Variants in COMMD10 observed in about 807,000 individuals in gnomAD.
The protein encoded by COMMD10 is COMM domain containing 10.
COMMD10 carries 33 observed loss-of-function variants against 28.9 expected under a neutral mutation model. The ratio of observed to expected loss-of-function variants is 1.14; its 90% CI spans 0.87 to 1.53. The LOEUF (loss-of-function observed/expected upper bound fraction) is 1.53, where lower values mean the gene tolerates loss of function less well. Ranked by LOEUF, COMMD10 falls within the 40% of genes most tolerant of loss-of-function variation. COMMD10 has a pLI of 0.00. For missense variants in COMMD10, 310 were observed against 233.4 expected (o/e 1.33, Z -2.14); for synonymous variants, 110 against 81.7 (o/e 1.35, Z -1.87).
chr5:116,188,935 G>A (rs1351338390), intron 5 of COMMD10, among the ~76,000 whole-genome samples: 1 of 152,164 alleles, frequency 6.6e-6, no homozygotes, highest in Admixed American at 6.5e-5. Context: ...CAGCCCATAT[G>A]TTTGTTATTA....
At chr5:116,270,314 A>G (rs1750719183) in intron 5 of COMMD10, among the ~76,000 whole-genome samples, 1 of 151,896 alleles carries the variant, frequency 6.6e-6, no homozygotes, top group Non-Finnish European at 1.5e-5. Context: ...TTATTTTAAC[A>G]TTTTAAATAT....
rs140703440 is a variant in COMMD10, at chr5:116,201,234, C to T, written c.510+67056C>T. On this transcript the variant is annotated intron_variant, in intron 5 of 6. Transcript: ENST00000274458. ...TCTATGGGCAGACCTTGGTAAGAAG[C>T]ACAGAGTGATCCGGCATATTTTAAA... is the stretch of plus-strand genomic sequence containing the variant. Among the ~76,000 whole-genome samples the T allele has an allele frequency of 6.9e-3, 1,054 of 152,260 alleles. 16 individuals carry two copies. The highest frequency in any genetic ancestry group is 0.024 in the African/African-American group (1,011 of 41,560).
At chr5:116,281,999 G>A (rs576628215) in intron 5 of COMMD10, among the ~76,000 whole-genome samples, 3 of 151,746 alleles carry the variant, frequency 2.0e-5, no homozygotes, top group African/African-American at 4.9e-5. Context: ...CAATATATCA[G>A]TGACTCCCAA....
chr5:116,119,164 A>C (rs1019741274), intron 4 of COMMD10, among the ~76,000 whole-genome samples: 1 of 152,160 alleles, frequency 6.6e-6, no homozygotes, highest in African/African-American at 2.4e-5. Context: ...CTCCAACTTG[A>C]ATATGAAGGC....
intron 5 of COMMD10, among the ~76,000 whole-genome samples, chr5:116,236,493 A>G (rs1473518796): frequency 1.4e-5 from 2 of 143,176 alleles, no homozygotes; most frequent in Non-Finnish European, 3.0e-5. Context: ...GACAAGAGCA[A>G]GACTCCGTCT....
chr5:116,176,173 A>G (rs4921069), intron 5 of COMMD10, among the ~76,000 whole-genome samples: 47,453 of 152,034 alleles, frequency 0.31, 10,396 homozygotes, highest in African/African-American at 0.63. Flanking sequence ...GTGCAGTGGC[A>G]CGATCTTGGT....
At chr5:116,267,384 T>C (rs1443677675) in intron 5 of COMMD10, among the ~76,000 whole-genome samples, 5 of 151,744 alleles carry the variant, frequency 3.3e-5, no homozygotes, top group Admixed American at 1.3e-4. Context: ...AGGAATCCAA[T>C]TTACAAGGGA....
intron 5 of COMMD10, among the ~76,000 whole-genome samples, chr5:116,182,630 T>TG (rs1248993251): frequency 6.6e-6 from 1 of 152,086 alleles, no homozygotes; most frequent in Non-Finnish European, 1.5e-5. Flanking sequence ...GCAATCTATT[T>TG]GGGGAGGTTT....
intron 5 of COMMD10, among the ~76,000 whole-genome samples, chr5:116,263,668 C>T (rs1190491868): frequency 6.6e-6 from 1 of 151,678 alleles, no homozygotes; most frequent in Non-Finnish European, 1.5e-5. Flanking sequence ...TTGAACATTC[C>T]TTTCCATTGA....
intron 5 of COMMD10, among the ~76,000 whole-genome samples, chr5:116,161,286 A>C (rs1323157442): frequency 6.6e-6 from 1 of 152,162 alleles, no homozygotes; most frequent in East Asian, 1.9e-4. Context: ...CTTATCTCCT[A>C]GGGTGGTTGT....
intron 5 of COMMD10, among the ~76,000 whole-genome samples, chr5:116,175,501 C>A (rs1207483887): frequency 6.6e-6 from 1 of 152,044 alleles, no homozygotes; most frequent in Non-Finnish European, 1.5e-5. Flanking sequence ...ATAGAATTAC[C>A]ATATGACCTA....
chr5:116,147,856 G>T (rs765226100), intron 5 of COMMD10, among the ~76,000 whole-genome samples: 1 of 151,816 alleles, frequency 6.6e-6, no homozygotes, highest in African/African-American at 2.4e-5. Flanking sequence ...TTTGAGTGAC[G>T]TATTTAATTG....
At chr5:116,253,907 G>A (rs975820121) in intron 5 of COMMD10, among the ~76,000 whole-genome samples, 1 of 151,396 alleles carries the variant, frequency 6.6e-6, no homozygotes, top group African/African-American at 2.4e-5. Flanking sequence ...GTAGAATTCG[G>A]CTGTGAATCC....
chr5:116,179,367 G>T (rs1747866114), intron 5 of COMMD10, among the ~76,000 whole-genome samples: 1 of 152,152 alleles, frequency 6.6e-6, no homozygotes, highest in Non-Finnish European at 1.5e-5. Flanking sequence ...TCTGCCCAGA[G>T]TTACACTACT....
chr5:116,248,687 A>C (rs751788087), intron 5 of COMMD10, among the ~76,000 whole-genome samples: 8 of 151,934 alleles, frequency 5.3e-5, no homozygotes, highest in Non-Finnish European at 1.2e-4. Context: ...AAGTTGAGTT[A>C]CTGTGGCCTG....
chr5:116,282,778 A>G lies in COMMD10; in HGVS notation c.511-8739A>G, dbSNP rs1431060654. Reference sequence around the variant, plus strand: ...ATTAGGGATACCATTCATTTGGATTAGGGGCCACCCTCATTGACTACATTT... The same window carrying G: ...ATTAGGGATACCATTCATTTGGATTGGGGGCCACCCTCATTGACTACATTT... On this transcript the variant is annotated intron_variant, in intron 5 of 6. Transcript: ENST00000274458. 2.6e-5 allele frequency among the ~76,000 whole-genome samples: 4 copies of G among 151,876 alleles called. No homozygotes were observed. In the East Asian group the frequency reaches 5.8e-4, roughly 22 times the overall value.
At chr5:116,183,312 C>T (rs1017331623) in intron 5 of COMMD10, among the ~76,000 whole-genome samples, 1 of 151,992 alleles carries the variant, frequency 6.6e-6, no homozygotes, top group Non-Finnish European at 1.5e-5. Flanking sequence ...GACCTAAAAC[C>T]TAAAGAACTT....
chr5:116,265,319 G>T (rs140135788), intron 5 of COMMD10, among the ~76,000 whole-genome samples: 8 of 151,590 alleles, frequency 5.3e-5, no homozygotes, highest in African/African-American at 1.9e-4. Context: ...AATTGACCTT[G>T]ATTATTCATG....
At chr5:116,268,973 G>A (rs970137402) in intron 5 of COMMD10, among the ~76,000 whole-genome samples, 9 of 151,674 alleles carry the variant, frequency 5.9e-5, no homozygotes. Context: ...GAAAGGGATA[G>A]CATTAGGAGA....
Sources: gnomAD v4.1 joint callset for allele counts (sites outside exome capture counted in the v4.1 genomes callset) on GRCh38, gnomAD v4.1.1 for gene constraint, MANE v1.5 for transcripts, NCBI Gene and HGNC (gene_info 2026-07-23, HGNC 2026-07-21) for gene names.